The following DST variants were observed in gnomAD, a reference collection of about 807,000 sequenced individuals.
DST encodes dystonin, also known as bullous pemphigoid antigen.
A neutral mutation model predicts 875.2 loss-of-function variants in DST; 253 were observed. The observed-to-expected ratio is 0.29, with a 90% CI of 0.26 to 0.32. The LOEUF (loss-of-function observed/expected upper bound fraction) is 0.32, where lower values mean the gene tolerates loss of function less well. Ranked by LOEUF, DST falls within the 10% of genes least tolerant of loss-of-function variation. The pLI, the probability that DST is intolerant of heterozygous loss-of-function variation, is 1.00. For missense variants in DST, 8,287 were observed against 9,111.6 expected (o/e 0.91, Z 3.68); for synonymous variants, 3,124 against 3,197.1 (o/e 0.98, Z 0.77).
In DST at chr6:56,489,453, T is replaced by C. The variant is rs373103308; in HGVS notation, c.20877+37A>G. Reference sequence around the variant, plus strand: ...GATTTTAAAGTGATCTTGAACTATATAATGAGACAATATGCTCTTCTTAAT... The same window carrying C: ...GATTTTAAAGTGATCTTGAACTATACAATGAGACAATATGCTCTTCTTAAT... On this transcript the variant is annotated intron_variant, in intron 86 of 103. Transcript: ENST00000680361. 1.6e-5 allele frequency: 25 copies of C among 1,592,016 alleles called. No homozygotes were observed. The African/African-American group carries it at 2.4e-4, about 15-fold the overall frequency.
At chr6:56,661,500 G>A (rs1323284999) in intron 10 of DST, among the ~76,000 whole-genome samples, 1 of 151,968 alleles carries the variant, frequency 6.6e-6, no homozygotes. Context: ...GCGGGGGGAG[G>A]GGAAACTCAT....
chr6:56,527,422 T>G, intron 68 of DST, 71 bp downstream of exon 68: 2 of 1,513,556 alleles, frequency 1.3e-6, no homozygotes, highest in East Asian at 4.7e-5. Flanking sequence ...ACAAATATAA[T>G]TTTATTTTTG....
intron 3 of DST, among the ~76,000 whole-genome samples, chr6:56,871,972 T>C (rs1777406537): frequency 6.6e-6 from 1 of 152,122 alleles, no homozygotes. Context: ...AAAGTATAAA[T>C]GGGTGCAGGT....
intron 72 of DST, 110 bp from the exon 73 acceptor site, chr6:56,511,510 C>A (rs2152477614): frequency 1.2e-6 from 1 of 825,896 alleles, no homozygotes; most frequent in Non-Finnish European, 1.9e-6. Context: ...AAACCCCTCC[C>A]CATCACAAGG....
rs546389396 is a variant in DST at position 56,682,797 on chromosome 6, A to G, written c.1048-11990T>C. Among the ~76,000 whole-genome samples the G allele has an allele frequency of 3.3e-5, 5 of 152,332 alleles. No homozygotes were observed. In the South Asian group the frequency reaches 8.3e-4, roughly 25 times the overall value. Reference sequence around the variant, plus strand: ...AGTCTGACCAAGTGCCTCATGGAGCATGGTCAGGCAATGTGAGCCACAGTC... The same window carrying G: ...AGTCTGACCAAGTGCCTCATGGAGCGTGGTCAGGCAATGTGAGCCACAGTC... On this transcript the variant is annotated intron_variant, in intron 9 of 103. Coordinates refer to ENST00000680361, the MANE Select transcript of DST (RefSeq NM_001374736.1).
Position 56,659,192 on chromosome 6 carries a change from G to A in DST, c.1215-7948C>T, listed in dbSNP as rs147970422. Among the ~76,000 whole-genome samples, 10 of 152,224 alleles carry A rather than the reference G, an allele frequency of 6.6e-5. No homozygotes were observed. In the East Asian group the frequency reaches 1.7e-3, roughly 26 times the overall value. On this transcript the variant is annotated intron_variant, in intron 10 of 103. Transcript: ENST00000680361. The stretch of plus-strand genomic sequence containing the variant: ...GCTTGCAGAAGAATGTGGCAGCAGT[G>A]GATAAAAAGTGGCCAAGTCAGGAGA...
At chr6:56,620,277 C>G (rs1014105823) in intron 36 of DST, 9 of 1,613,984 alleles carry the variant, frequency 5.6e-6, no homozygotes, top group Admixed American at 3.3e-5. Flanking sequence ...AGATGATCTT[C>G]CAGTGTTCGT....
At chr6:56,809,184 C>T (rs2099756857) in intron 4 of DST, among the ~76,000 whole-genome samples, 1 of 152,188 alleles carries the variant, frequency 6.6e-6, no homozygotes, top group Non-Finnish European at 1.5e-5. Flanking sequence ...TCCCTTAAGC[C>T]TCCAAGATAC....
intron 5 of DST, among the ~76,000 whole-genome samples, chr6:56,732,746 A>G (rs1456608708): frequency 6.6e-6 from 1 of 152,252 alleles, no homozygotes; most frequent in Non-Finnish European, 1.5e-5. Context: ...AAAAATTAGC[A>G]AATAGTTGAA....
chr6:56,777,791 G>T (rs1016861491), intron 4 of DST, among the ~76,000 whole-genome samples: 2 of 151,752 alleles, frequency 1.3e-5, no homozygotes, highest in Admixed American at 1.3e-4. Context: ...GCAGCCTTCT[G>T]GGCCCAAGCC....
intron 4 of DST, among the ~76,000 whole-genome samples, chr6:56,764,097 G>GCATGCACACA (rs2099626046): frequency 7.0e-6 from 1 of 141,926 alleles, no homozygotes; most frequent in Admixed American, 7.0e-5. Context: ...AAGTGCACAT[G>GCATGCACACA]CACACACACA....
chr6:56,477,436 G>C lies in DST; in HGVS notation c.21584C>G (p.Thr7195Ser). ...EKRAELNKAT[T>S]MGDTVLAICH... Reference sequence around the variant, plus strand: ...GATAGCCAAAACGGTGTCGCCCATAGTGGTGGCTTTATTTAGTTCAGCTCT... The same window carrying C: ...GATAGCCAAAACGGTGTCGCCCATACTGGTGGCTTTATTTAGTTCAGCTCT... The change falls in exon 91 of 104, where the codon ACT becomes AGT. Residue 7195 changes from threonine (T) to serine (S), a missense_variant. Physicochemically the swap from Thr to Ser is moderately conservative, Grantham distance 58. Around this residue, in one of 10 missense-constraint regions of DST, gnomAD observed 1,292 missense variants for 1,552.7 expected, o/e 0.83. Transcript: ENST00000680361. 6.2e-7 allele frequency: 1 copy of C among 1,613,942 alleles called. No individual in the cohort carries two copies. Among genetic ancestry groups the C allele is most frequent in the Non-Finnish European group, 8.5e-7 (1 of 1,179,880 alleles).
intron 29 of DST, 97 bp from the exon 30 acceptor site, chr6:56,631,486 C>A: frequency 3.1e-6 from 3 of 967,236 alleles, no homozygotes; most frequent in South Asian, 2.8e-5. Flanking sequence ...CATTAAGAAC[C>A]AATGACTTAG....
chr6:56,822,556 A>G (rs2099774274), intron 4 of DST, among the ~76,000 whole-genome samples: 1 of 152,224 alleles, frequency 6.6e-6, no homozygotes, highest in Non-Finnish European at 1.5e-5. Flanking sequence ...AGCCAGGTGA[A>G]GAACCATCAG....
chr6:56,591,981 C>CAAAAAAA (rs34682914), intron 49 of DST, among the ~76,000 whole-genome samples: 2 of 63,936 alleles, frequency 3.1e-5, no homozygotes, highest in African/African-American at 6.9e-5. Context: ...GACTCCATCT[C>CAAAAAAA]AAAAAAAAAA....
At chr6:56,474,960 CAAAAAAAA>C (rs386407168) in intron 92 of DST, among the ~76,000 whole-genome samples, 9 of 31,338 alleles carry the variant, frequency 2.9e-4, no homozygotes, top group African/African-American at 9.3e-4. Flanking sequence ...CCCTGCCTCT[CAAAAAAAA>C]AAAAAAAAAA....
intron 4 of DST, among the ~76,000 whole-genome samples, chr6:56,790,004 C>T (rs2099714559): frequency 6.6e-6 from 1 of 152,130 alleles, no homozygotes; most frequent in Admixed American, 6.5e-5. Flanking sequence ...GGGATGCTCT[C>T]TTCTTTTATT....
At chr6:56,648,825 A>G (rs1476080803) in intron 12 of DST, 136 bp from the exon 13 acceptor site, 1 of 735,278 alleles carries the variant, frequency 1.4e-6, no homozygotes, top group African/African-American at 1.8e-5. Flanking sequence ...ATGTTTTCTT[A>G]CTTTCACCCA....
intron 2 of DST, among the ~76,000 whole-genome samples, chr6:56,912,667 G>C (rs1237728817): frequency 6.6e-6 from 1 of 152,194 alleles, no homozygotes; most frequent in Non-Finnish European, 1.5e-5. Context: ...AAGTGGGGGT[G>C]GTGCTCTGCT....
Sources: allele counts gnomAD v4.1 joint callset (sites outside exome capture counted in the v4.1 genomes callset), GRCh38; gene constraint gnomAD v4.1.1; regional missense constraint gnomAD v4.1.1; transcripts MANE v1.5; gene names NCBI Gene and HGNC (gene_info 2026-07-23, HGNC 2026-07-21).